The following MCF2L2 variants were observed in gnomAD, a reference collection of about 807,000 sequenced individuals.
MCF2L2 encodes probable guanine nucleotide exchange factor MCF2L2.
A neutral mutation model predicts 150.2 loss-of-function variants in MCF2L2; 102 were observed. The observed-to-expected ratio is 0.68, with a 90% CI of 0.58 to 0.80. MCF2L2 has a LOEUF of 0.80. Among genes scored for constraint, MCF2L2 ranks in the 30% least tolerant of loss-of-function variants. The pLI is 0.00. For missense variants in MCF2L2, 1,256 were observed against 1,372.8 expected (o/e 0.91, Z 1.34); for synonymous variants, 465 against 491.3 (o/e 0.95, Z 0.71).
chr3:183,260,399 C>T (rs1271050415), intron 15 of MCF2L2, among the ~76,000 whole-genome samples: 2 of 151,998 alleles, frequency 1.3e-5, no homozygotes, highest in African/African-American at 2.4e-5. Flanking sequence ...AGCAAGCAAC[C>T]GTGTCAGCCC....
chr3:183,207,743 C>A lies in MCF2L2; in HGVS notation c.2577G>T (p.Met859Ile). 2.5e-6 allele frequency: 4 copies of A among 1,614,198 alleles called. No individual in the cohort carries two copies. Among genetic ancestry groups the A allele is most frequent in the Non-Finnish European group, 8.5e-7 (1 of 1,180,024 alleles). Residue 859 changes from methionine (M) to isoleucine (I), a missense_variant, in exon 23 of 30, where the codon ATG becomes ATT. Physicochemically the swap from Met to Ile is conservative, Grantham distance 10. Transcript: ENST00000328913. ...TGGGTTTAAATCGAATCAAATCCTT[C>A]ATTTTATAACGATCCTTGTGAATTG... ...VWTIHKDRYK[M>I]KDLIRFKPSQ...
intron 15 of MCF2L2, among the ~76,000 whole-genome samples, chr3:183,269,279 T>C (rs950327844): frequency 1.4e-5 from 2 of 143,880 alleles, no homozygotes; most frequent in Admixed American, 1.4e-4. Flanking sequence ...GTCTCTGTAC[T>C]CTGAATGGGA....
chr3:183,391,455 G>A (rs1368829878), intron 1 of MCF2L2, among the ~76,000 whole-genome samples: 4 of 152,110 alleles, frequency 2.6e-5, no homozygotes, highest in Non-Finnish European at 4.4e-5. Context: ...CTGTTCATTC[G>A]GTGGGTGTAA....
At chr3:183,185,017 A>G (rs1200272582) in intron 27 of MCF2L2, among the ~76,000 whole-genome samples, 1 of 152,008 alleles carries the variant, frequency 6.6e-6, no homozygotes, top group African/African-American at 2.4e-5. Context: ...CCCGGGTTCA[A>G]GTGATTCTCC....
chr3:183,273,188 C>A lies in MCF2L2; in HGVS notation c.1862+3684G>T, dbSNP rs558168268. 4.0e-5 allele frequency: 19 copies of A among 480,692 alleles called. No homozygotes were observed. In the South Asian group the frequency reaches 7.4e-4, roughly 19 times the overall value. The allele number at this position is 480,692 out of a possible 1,614,324, so 29.8% of individuals were successfully genotyped here. A position where few individuals can be genotyped will look rare whatever the true frequency, so the allele number is the denominator to read the frequency against. ...AATAAACTATCAGCTTGGATGGTCA[C>A]TTGAATAGAAGATGGTTATACACAG... is the stretch of plus-strand genomic sequence containing the variant. On this transcript the variant is annotated intron_variant, in intron 15 of 29. Transcript: ENST00000328913.
At chr3:183,192,928 T>G in intron 27 of MCF2L2, 71 bp downstream of exon 27, 2 of 1,141,780 alleles carry the variant, frequency 1.8e-6, no homozygotes, top group Non-Finnish European at 2.6e-6. Context: ...GGTGATGTCT[T>G]CCTTAGCATC....
chr3:183,206,261 T>C, intron 23 of MCF2L2, 47 bp from the exon 24 acceptor site: 2 of 1,325,758 alleles, frequency 1.5e-6, no homozygotes, highest in Non-Finnish European at 2.2e-6. Context: ...CGTTTTCTGA[T>C]TTTAAAATAG....
intron 3 of MCF2L2, among the ~76,000 whole-genome samples, chr3:183,344,568 A>T (rs1730826307): frequency 6.6e-6 from 1 of 152,240 alleles, no homozygotes; most frequent in African/African-American, 2.4e-5. Flanking sequence ...TCAAGTTCAC[A>T]CATAACAATA....
intron 26 of MCF2L2, among the ~76,000 whole-genome samples, chr3:183,193,492 A>G (rs1367992154): frequency 1.3e-5 from 2 of 151,900 alleles, no homozygotes; most frequent in Non-Finnish European, 2.9e-5. Flanking sequence ...CTGGGACTAC[A>G]TGCGTGTGCC....
At chr3:183,356,169 T>TAA (rs34297018) in intron 3 of MCF2L2, among the ~76,000 whole-genome samples, 45,539 of 132,286 alleles carry the variant, frequency 0.34, 7,680 homozygotes, top group African/African-American at 0.41. Flanking sequence ...AAAATTGACT[T>TAA]AAAAAAAAAA....
intron 22 of MCF2L2, among the ~76,000 whole-genome samples, chr3:183,214,706 G>C (rs1467241984): frequency 6.6e-6 from 1 of 151,998 alleles, no homozygotes; most frequent in Non-Finnish European, 1.5e-5. Context: ...GAAAAACTTG[G>C]CCGGGCACGA....
At chr3:183,262,725 G>A (rs912949667) in intron 15 of MCF2L2, among the ~76,000 whole-genome samples, 1 of 150,124 alleles carries the variant, frequency 6.7e-6, no homozygotes, top group African/African-American at 2.4e-5. Flanking sequence ...GGGTGGGGGG[G>A]ACAGAGCCTG....
intron 3 of MCF2L2, chr3:183,376,273 T>G (rs1447764033): frequency 6.6e-6 from 1 of 152,244 alleles, no homozygotes; most frequent in African/African-American, 2.4e-5. Flanking sequence ...CAGCGTGATT[T>G]GGAAAAGGCT....
chr3:183,285,720 A>AT (rs1236464322), intron 14 of MCF2L2, among the ~76,000 whole-genome samples: 1 of 151,716 alleles, frequency 6.6e-6, no homozygotes, highest in African/African-American at 2.4e-5. Context: ...TTGTTACTTT[A>AT]TTTTTTCTTT....
intron 10 of MCF2L2, among the ~76,000 whole-genome samples, chr3:183,301,793 C>CA (rs200514561): frequency 1.1e-3 from 131 of 124,294 alleles, no homozygotes; most frequent in Middle Eastern, 4.3e-3. Flanking sequence ...GCTCTGTCTC[C>CA]AAAAAAAAAA....
chr3:183,329,957 C>T (rs1479636720), intron 5 of MCF2L2, among the ~76,000 whole-genome samples: 2 of 151,790 alleles, frequency 1.3e-5, no homozygotes, highest in African/African-American at 2.4e-5. Context: ...GAAAAGGGGC[C>T]GGGGCAGTGG....
At chr3:183,233,678 G>A (rs1387091668) in intron 15 of MCF2L2, among the ~76,000 whole-genome samples, 1 of 152,136 alleles carries the variant, frequency 6.6e-6, no homozygotes, top group Admixed American at 6.6e-5. Flanking sequence ...TGCTTTTGGA[G>A]AGTGGTACTG....
At chr3:183,407,952 T>TGCCAGTA (rs1252596608) in intron 1 of MCF2L2, among the ~76,000 whole-genome samples, 4 of 151,482 alleles carry the variant, frequency 2.6e-5, no homozygotes, top group Non-Finnish European at 5.9e-5. Flanking sequence ...GTATGGGAGG[T>TGCCAGTA]GCCAGTAAAT....
chr3:183,413,844 G>A lies in MCF2L2; in HGVS notation c.76+14058C>T, dbSNP rs768954380. 9.8e-5 allele frequency among the ~76,000 whole-genome samples: 15 copies of A among 152,292 alleles called. No homozygotes were observed. The South Asian group carries it at 1.0e-3, about 11-fold the overall frequency. The stretch of plus-strand genomic sequence containing the variant: ...ACTATTCATTAAGTGTAAGTGGATC[G>A]CCATAAAGCTCTTTATCCTCGTTGT... On this transcript the variant is annotated intron_variant, in intron 1 of 29. Coordinates refer to ENST00000328913, the MANE Select transcript of MCF2L2 (RefSeq NM_015078.4).
Sources: gnomAD v4.1 joint callset for allele counts (sites outside exome capture counted in the v4.1 genomes callset) on GRCh38, gnomAD v4.1.1 for gene constraint, MANE v1.5 for transcripts, NCBI Gene and HGNC (gene_info 2026-07-23, HGNC 2026-07-21) for gene names.